Variants in ANKRD30A observed in about 807,000 individuals in gnomAD.
ANKRD30A encodes ankyrin repeat domain-containing protein 30A.
ANKRD30A carries 170 observed loss-of-function variants against 166.3 expected under a neutral mutation model. The ratio of observed to expected loss-of-function variants is 1.02; its 90% CI spans 0.90 to 1.16. The LOEUF (loss-of-function observed/expected upper bound fraction) is 1.16, where lower values mean the gene tolerates loss of function less well. Among genes scored for constraint, ANKRD30A ranks in the 50% most tolerant of loss-of-function variants. The probability of loss-of-function intolerance (pLI) is 0.00; values close to 1 mark genes in which losing one functional copy is unlikely to be tolerated. For missense variants in ANKRD30A, 1,630 were observed against 1,518.0 expected (o/e 1.07, Z -1.23); for synonymous variants, 564 against 508.9 (o/e 1.11, Z -1.46).
chr10:37,223,282 A>T (rs1842976693), intron 34 of ANKRD30A, among the ~76,000 whole-genome samples: 1 of 151,300 alleles, frequency 6.6e-6, no homozygotes, highest in Admixed American at 6.6e-5. Flanking sequence ...GAAAACACAT[A>T]CACTTTATCT....
chr10:37,235,452 A>G, downstream of ANKRD30A, among the ~76,000 whole-genome samples: 1 of 152,216 alleles, frequency 6.6e-6, no homozygotes, highest in East Asian at 1.9e-4. Context: ...TTATTTGATT[A>G]TGCTACATGG....
chr10:37,226,501 T>C, intron 34 of ANKRD30A, among the ~76,000 whole-genome samples: 1 of 151,746 alleles, frequency 6.6e-6, no homozygotes, highest in Middle Eastern at 3.2e-3. Context: ...TTCAAGGTCC[T>C]CTGTTGCAGC....
intron 25 of ANKRD30A, among the ~76,000 whole-genome samples, chr10:37,191,085 G>A (rs538556885): frequency 6.6e-6 from 1 of 151,876 alleles, no homozygotes; most frequent in East Asian, 1.9e-4. Context: ...CATAGAAAAT[G>A]TTATTAATAT....
At chr10:37,214,602 T>C (rs1189115167) in intron 31 of ANKRD30A, among the ~76,000 whole-genome samples, 1 of 150,234 alleles carries the variant, frequency 6.7e-6, no homozygotes, top group Non-Finnish European at 1.5e-5. Flanking sequence ...TATATTTCTT[T>C]ATGATTTAGT....
chr10:37,246,145 G>A, the ANKRD30A span, among the ~76,000 whole-genome samples: 1 of 152,120 alleles, frequency 6.6e-6, no homozygotes, highest in African/African-American at 2.4e-5. Flanking sequence ...AAAATCACTG[G>A]AGCTACCATT....
rs949175695 is a variant in ANKRD30A, at chr10:37,231,638, C to G, written c.*169C>G. The G allele has an allele frequency of 2.4e-6, 1 of 424,516 alleles. No individual in the cohort carries two copies. Among genetic ancestry groups the G allele is most frequent in the Non-Finnish European group, 4.2e-6 (1 of 235,986 alleles). 26.3% of individuals were successfully genotyped at this position (424,516 alleles called of 1,614,324 possible). A position where few individuals can be genotyped will look rare whatever the true frequency, so the allele number is the denominator to read the frequency against. On this transcript the variant is annotated 3_prime_UTR_variant, in exon 35 of 36. Transcript: ENST00000361713. ...AAAAATTCATGATTTCTTCCTGAAG[C>G]CTACAGACATAAAATAACAGTGTGA...
intron 15 of ANKRD30A, among the ~76,000 whole-genome samples, chr10:37,159,999 G>A (rs532783941): frequency 5.9e-5 from 9 of 152,170 alleles, no homozygotes; most frequent in Admixed American, 2.0e-4. Context: ...GTGCCCGGCC[G>A]ATGTCTGAAA....
intron 34 of ANKRD30A, among the ~76,000 whole-genome samples, chr10:37,226,571 A>G (rs1180728171): frequency 3.3e-5 from 5 of 151,800 alleles, no homozygotes; most frequent in African/African-American, 9.7e-5. Flanking sequence ...AGATACATCA[A>G]ACATTTTATT....
At chr10:37,235,405 T>C (rs1414129844), downstream of ANKRD30A, among the ~76,000 whole-genome samples, 1 of 152,210 alleles carries the variant, frequency 6.6e-6, no homozygotes, top group East Asian at 1.9e-4. Context: ...ACTATTGATA[T>C]TTTTATCTTG....
chr10:37,196,340 G>A (rs1008974202), intron 27 of ANKRD30A, among the ~76,000 whole-genome samples: 1 of 151,950 alleles, frequency 6.6e-6, no homozygotes, highest in Non-Finnish European at 1.5e-5. Flanking sequence ...TTACAATGAG[G>A]CATGACAAAT....
intron 6 of ANKRD30A, among the ~76,000 whole-genome samples, chr10:37,137,736 C>T (rs1264047693): frequency 6.6e-6 from 1 of 152,194 alleles, no homozygotes; most frequent in African/African-American, 2.4e-5. Flanking sequence ...GAAGCTCGAA[C>T]TGGGTGGAGC....
chr10:37,240,453 T>A, the ANKRD30A span, among the ~76,000 whole-genome samples: 4 of 152,294 alleles, frequency 2.6e-5, no homozygotes, highest in African/African-American at 9.6e-5. Context: ...AAATCTCCAG[T>A]CTTTGACTTT....
intron 6 of ANKRD30A, among the ~76,000 whole-genome samples, chr10:37,140,973 A>G (rs1837057242): frequency 1.3e-5 from 2 of 151,378 alleles, no homozygotes; most frequent in South Asian, 4.2e-4. Context: ...TTTCGTAAAA[A>G]ATGTTTTTTT....
chr10:37,147,293 TAAAA>T (rs902913459), intron 8 of ANKRD30A, 73 bp from the exon 9 acceptor site: 8 of 1,179,418 alleles, frequency 6.8e-6, no homozygotes, highest in Non-Finnish European at 9.6e-6. Context: ...AAATTGAGTT[TAAAA>T]AATATTTTAA....
At chr10:37,155,484 C>T (rs1461681841) in intron 13 of ANKRD30A, among the ~76,000 whole-genome samples, 2 of 152,124 alleles carry the variant, frequency 1.3e-5, no homozygotes, top group Non-Finnish European at 2.9e-5. Context: ...AACTGTGTGG[C>T]TTCTCAATGA....
chr10:37,199,719 T>A lies in ANKRD30A; in HGVS notation c.2717-8T>A, dbSNP rs1008722387. On this transcript the variant is annotated splice_region_variant and splice_polypyrimidine_tract_variant and intron_variant, in intron 29 of 35. Transcript: ENST00000361713. Reference sequence around the variant, plus strand: ...CTCATGAATGTATCTGTGATTAACCTTTTATAGATCAGATGTTCCCTTCAG... The same window carrying A: ...CTCATGAATGTATCTGTGATTAACCATTTATAGATCAGATGTTCCCTTCAG... 18 of 1,552,796 alleles carry A rather than the reference T, an allele frequency of 1.2e-5. No homozygotes were observed. The highest frequency in any genetic ancestry group is 1.6e-5 in the Non-Finnish European group (18 of 1,132,330).
the ANKRD30A span, among the ~76,000 whole-genome samples, chr10:37,253,739 C>G: frequency 2.6e-4 from 40 of 151,890 alleles, no homozygotes; most frequent in African/African-American, 9.7e-4. Context: ...GCGCCACCTC[C>G]GGGCTTCACG....
At chr10:37,201,601 G>T (rs1225673134) in intron 31 of ANKRD30A, among the ~76,000 whole-genome samples, 2 of 151,986 alleles carry the variant, frequency 1.3e-5, no homozygotes, top group East Asian at 3.8e-4. Context: ...AGTAAAAGAG[G>T]AAATGAAGAC....
intron 7 of ANKRD30A, among the ~76,000 whole-genome samples, chr10:37,143,541 C>A (rs1425302003): frequency 6.6e-6 from 1 of 152,132 alleles, no homozygotes; most frequent in African/African-American, 2.4e-5. Flanking sequence ...GTAATCCCAG[C>A]TACCTAGGAG....
Sources: gnomAD v4.1 joint callset for allele counts (sites outside exome capture counted in the v4.1 genomes callset) on GRCh38, gnomAD v4.1.1 for gene constraint, MANE v1.5 for transcripts, NCBI Gene and HGNC (gene_info 2026-07-23, HGNC 2026-07-21) for gene names.